The following PPP1R12A variants were observed in gnomAD, a reference collection of about 807,000 sequenced individuals.
PPP1R12A encodes protein phosphatase 1 regulatory subunit 12A.
In PPP1R12A, 19 loss-of-function variants were observed where a neutral mutation model predicts 139.6. The observed-to-expected ratio is 0.14, with a 90% CI of 0.09 to 0.20. PPP1R12A has a LOEUF of 0.20. PPP1R12A is among the 10% of genes least tolerant of loss of function. The probability of loss-of-function intolerance (pLI) is 1.00; values close to 1 mark genes in which losing one functional copy is unlikely to be tolerated. For synonymous variants in PPP1R12A, 427 were observed against 420.6 expected, an observed-to-expected ratio of 1.02 and a Z score of -0.19; for missense variants, 925 against 1,211.5, an observed-to-expected ratio of 0.76 and a Z score of 3.51.
chr12:79,900,076 G>A (rs1202257483), intron 1 of PPP1R12A, among the ~76,000 whole-genome samples: 1 of 152,198 alleles, frequency 6.6e-6, no homozygotes, highest in African/African-American at 2.4e-5. Flanking sequence ...ATTTACAGCA[G>A]AATGCTTTGC....
chr12:79,934,492 T>C (rs1345579153), intron 1 of PPP1R12A, among the ~76,000 whole-genome samples: 1 of 152,126 alleles, frequency 6.6e-6, no homozygotes, highest in Non-Finnish European at 1.5e-5. Context: ...CACCAGCAAC[T>C]GTTCTGAAGG....
chr12:79,842,499 C>T (rs1878847386), intron 3 of PPP1R12A, among the ~76,000 whole-genome samples: 1 of 151,962 alleles, frequency 6.6e-6, no homozygotes, highest in South Asian at 2.1e-4. Context: ...ATCATTTGAC[C>T]TCAGTAAAAC....
chr12:79,856,679 C>T (rs949020632), intron 2 of PPP1R12A, among the ~76,000 whole-genome samples: 1 of 152,160 alleles, frequency 6.6e-6, no homozygotes, highest in Non-Finnish European at 1.5e-5. Context: ...TTGTCTCACC[C>T]CCATCTAATT....
chr12:79,847,085 C>A (rs75154034), intron 2 of PPP1R12A, among the ~76,000 whole-genome samples: 3,589 of 152,218 alleles, frequency 0.024, 218 homozygotes, highest in East Asian at 0.23. Flanking sequence ...TTATTCCTCT[C>A]CTACTATTAT....
At position 79,775,829 on chromosome 12, in the gene PPP1R12A, A is replaced by G. The variant is rs1330734486; in HGVS notation, c.*100T>C. ...GCATTTGGCAGGATATCCGAAAATG[A>G]CAGTCTCCAAGGATTCTTCCCAGAC... On this transcript the variant is annotated 3_prime_UTR_variant, in exon 25 of 25. Transcript: ENST00000450142. The G allele has an allele frequency of 2.9e-6, 2 of 701,000 alleles. No homozygotes were observed. Among genetic ancestry groups the G allele is most frequent in the Non-Finnish European group, 4.3e-6 (2 of 461,458 alleles). 43.4% of individuals were successfully genotyped at this position (701,000 alleles called of 1,614,324 possible).
Position 79,806,146 on chromosome 12 carries a change from A to C in PPP1R12A, c.1823+20T>G. On this transcript the variant is annotated intron_variant, in intron 13 of 24. Coordinates refer to ENST00000450142, the MANE Select transcript of PPP1R12A (RefSeq NM_002480.3). The stretch of plus-strand genomic sequence containing the variant: ...ATAAGCACACAGTAGACCTGAGCAC[A>C]AAATGTATCTGTGACTTACCTGCTT... 4 of 1,612,420 alleles carry C rather than the reference A, an allele frequency of 2.5e-6. No homozygotes were observed. Among genetic ancestry groups the C allele is most frequent in the Non-Finnish European group, 3.4e-6 (4 of 1,178,756 alleles).
chr12:79,831,610 G>A (rs1357658257), intron 4 of PPP1R12A, among the ~76,000 whole-genome samples: 1 of 152,130 alleles, frequency 6.6e-6, no homozygotes, highest in Non-Finnish European at 1.5e-5. Flanking sequence ...AAGCTCAAGT[G>A]AATTAGAAGC....
chr12:79,775,922 T>C lies in PPP1R12A; in HGVS notation c.*7A>G, dbSNP rs1202563560. 1.7e-5 allele frequency: 26 copies of C among 1,558,628 alleles called. No individual in the cohort carries two copies. The highest frequency in any genetic ancestry group is 1.7e-5 in the Non-Finnish European group (19 of 1,150,590). On this transcript the variant is annotated 3_prime_UTR_variant, in exon 25 of 25. Coordinates refer to ENST00000450142, the MANE Select transcript of PPP1R12A (RefSeq NM_002480.3). ...TGCAATTCCATTACTTGCTGCTTTT[T>C]TTTTTTTTATTTGGAAAGTTTGCTT... is the stretch of plus-strand genomic sequence containing the variant.
In PPP1R12A at chr12:79,794,039, A is replaced by G. The variant is rs1244412475; in HGVS notation, c.2584-111T>C. The G allele has an allele frequency of 6.9e-6, 5 of 722,082 alleles. No individual in the cohort carries two copies. The African/African-American group carries it at 7.4e-5, about 11-fold the overall frequency. The allele number at this position is 722,082 out of a possible 1,614,324, so 44.7% of individuals were successfully genotyped here. A position where few individuals can be genotyped will look rare whatever the true frequency, so the allele number is the denominator to read the frequency against. On this transcript the variant is annotated intron_variant, in intron 18 of 24. Transcript: ENST00000450142. ...TCTCTCTCAGAATATACATTGAGAC[A>G]TTTGTAGATAGAATGAGATGTCTAG...
chr12:79,889,584 G>A (rs1884407710), intron 1 of PPP1R12A, among the ~76,000 whole-genome samples: 1 of 152,118 alleles, frequency 6.6e-6, no homozygotes, highest in Non-Finnish European at 1.5e-5. Context: ...ATTCTGCACT[G>A]GTTCTAAACT....
chr12:79,908,253 C>T (rs1056726102), intron 1 of PPP1R12A, among the ~76,000 whole-genome samples: 2 of 152,164 alleles, frequency 1.3e-5, no homozygotes, highest in Admixed American at 1.3e-4. Context: ...ATCCAAAGCA[C>T]TGTATTTAAT....
chr12:79,845,581 C>T (rs957486149), intron 2 of PPP1R12A, among the ~76,000 whole-genome samples, 161 bp from the exon 3 acceptor site: 3 of 152,166 alleles, frequency 2.0e-5, no homozygotes, highest in African/African-American at 2.4e-5. Flanking sequence ...CAGTGGCTCA[C>T]GCCTGTAATC....
chr12:79,781,693 C>T, intron 23 of PPP1R12A, 122 bp downstream of exon 23: 1 of 519,972 alleles, frequency 1.9e-6, no homozygotes, highest in East Asian at 3.2e-5. Context: ...TACATTAACT[C>T]AATAAATATT....
intron 2 of PPP1R12A, among the ~76,000 whole-genome samples, chr12:79,857,551 C>A (rs537785314): frequency 4.7e-4 from 70 of 149,874 alleles, no homozygotes; most frequent in Non-Finnish European, 7.7e-4. Context: ...TGCACATGTA[C>A]CCTAGAACTT....
In PPP1R12A at chr12:79,861,740, T is replaced by C. The variant is rs569620589; in HGVS notation, c.368+11068A>G. Among the ~76,000 whole-genome samples, 144 of 152,148 alleles carry C rather than the reference T, an allele frequency of 9.5e-4. 1 individual carries two copies. Among genetic ancestry groups the C allele is most frequent in the African/African-American group, 3.2e-3 (133 of 41,542 alleles). ...TGAGATCAACCTGCAATGTGGGAGC[T>C]TGGCGGGGGGAAAGGGCATCTGCCA... is the stretch of plus-strand genomic sequence containing the variant. On this transcript the variant is annotated intron_variant, in intron 2 of 24. Coordinates refer to ENST00000450142, the MANE Select transcript of PPP1R12A (RefSeq NM_002480.3).
chr12:79,827,960 C>CGGA (rs1876994730), intron 5 of PPP1R12A, among the ~76,000 whole-genome samples: 1 of 152,136 alleles, frequency 6.6e-6, no homozygotes, highest in South Asian at 2.1e-4. Context: ...TGTGTTCCAA[C>CGGA]TCAAAGGGGT....
chr12:79,812,245 A>G (rs1286975647), intron 9 of PPP1R12A, among the ~76,000 whole-genome samples: 1 of 152,162 alleles, frequency 6.6e-6, no homozygotes, highest in East Asian at 1.9e-4. Context: ...ATTTTACTTG[A>G]TATATAAATA....
chr12:79,916,784 T>C (rs7964667), intron 1 of PPP1R12A, among the ~76,000 whole-genome samples: 119,500 of 152,138 alleles, frequency 0.79, 49,454 homozygotes, highest in Non-Finnish European at 0.92. Context: ...CACCAGCTTC[T>C]TTGAGTGGCC....
At chr12:79,888,655 C>G (rs889074749) in intron 1 of PPP1R12A, among the ~76,000 whole-genome samples, 1 of 152,130 alleles carries the variant, frequency 6.6e-6, no homozygotes, top group Admixed American at 6.6e-5. Flanking sequence ...TAAACACTAA[C>G]CCTTACTTAC....
Sources: allele counts gnomAD v4.1 joint callset (sites outside exome capture counted in the v4.1 genomes callset), GRCh38; gene constraint gnomAD v4.1.1; transcripts MANE v1.5; gene names NCBI Gene and HGNC (gene_info 2026-07-23, HGNC 2026-07-21).